NCKAP5: variants seen among roughly 807,000 people sequenced by gnomAD.
The protein encoded by NCKAP5 is NCK associated protein 5, also known as nck-associated protein 5.
In NCKAP5, 92 loss-of-function variants were observed where a neutral mutation model predicts 167.0. The ratio of observed to expected loss-of-function variants is 0.55; its 90% CI spans 0.47 to 0.66. NCKAP5 has a LOEUF of 0.66. Among genes scored for constraint, NCKAP5 ranks in the 30% least tolerant of loss-of-function variants. The probability of loss-of-function intolerance (pLI) is 0.00; values close to 1 mark genes in which losing one functional copy is unlikely to be tolerated. For synonymous variants in NCKAP5, 891 were observed against 877.4 expected, an observed-to-expected ratio of 1.02 and a Z score of -0.27; for missense variants, 2,378 against 2,315.0, an observed-to-expected ratio of 1.03 and a Z score of -0.56.
At chr2:133,580,700 C>T in the NCKAP5 span, among the ~76,000 whole-genome samples, 2 of 152,128 alleles carry the variant, frequency 1.3e-5, no homozygotes, top group Non-Finnish European at 2.9e-5. Context: ...CTCTGAGTAC[C>T]CTAGAAGACG....
At chr2:133,579,939 AT>A in the NCKAP5 span, among the ~76,000 whole-genome samples, 36 of 152,354 alleles carry the variant, frequency 2.4e-4, no homozygotes, top group African/African-American at 8.4e-4. Flanking sequence ...TTCATAAAGA[AT>A]ACATAAATAT....
chr2:133,570,265 G>A (rs1019900373), upstream of NCKAP5, among the ~76,000 whole-genome samples: 4 of 152,176 alleles, frequency 2.6e-5, no homozygotes, highest in African/African-American at 9.6e-5. Flanking sequence ...TATGCTTTGT[G>A]TGTGGTTTGA....
intron 8 of NCKAP5, among the ~76,000 whole-genome samples, chr2:132,901,230 C>G (rs1346149689): frequency 6.6e-6 from 1 of 152,150 alleles, no homozygotes; most frequent in Non-Finnish European, 1.5e-5. Flanking sequence ...TCCCTTTGTT[C>G]AGGTAAGTGG....
the NCKAP5 span, among the ~76,000 whole-genome samples, chr2:133,668,617 G>GT: frequency 5.3e-5 from 8 of 150,852 alleles, no homozygotes; most frequent in South Asian, 2.1e-4. Context: ...CTGTTTGCTT[G>GT]TTTTTTTTAA....
chr2:132,910,381 C>A (rs1000268710), intron 8 of NCKAP5, among the ~76,000 whole-genome samples: 2 of 152,046 alleles, frequency 1.3e-5, no homozygotes, highest in Admixed American at 1.3e-4. Context: ...CTGTACCCAC[C>A]CATTAACCAT....
chr2:133,494,104 T>A (rs1433923954), intron 3 of NCKAP5, among the ~76,000 whole-genome samples: 1 of 152,242 alleles, frequency 6.6e-6, no homozygotes, highest in Non-Finnish European at 1.5e-5. Flanking sequence ...GCCGTTGCAC[T>A]GATGCAGCAT....
chr2:132,751,190 T>C (rs1352073610), intron 16 of NCKAP5, among the ~76,000 whole-genome samples: 1 of 151,478 alleles, frequency 6.6e-6, no homozygotes, highest in African/African-American at 2.4e-5. Context: ...CAGGAGGGAG[T>C]GGGTTCTCAC....
intron 3 of NCKAP5, among the ~76,000 whole-genome samples, chr2:133,327,137 G>C (rs1218086640): frequency 6.6e-6 from 1 of 152,174 alleles, no homozygotes; most frequent in Non-Finnish European, 1.5e-5. Flanking sequence ...CAGCCCAGGT[G>C]GTTCTTCTGG....
intron 3 of NCKAP5, among the ~76,000 whole-genome samples, chr2:133,415,559 A>T (rs62177672): frequency 0.2 from 30,472 of 152,160 alleles, 3,114 homozygotes; most frequent in African/African-American, 0.23. Flanking sequence ...TAGATAATAC[A>T]TGTATAGGTC....
chr2:133,007,052 C>A (rs1454776879), intron 6 of NCKAP5, among the ~76,000 whole-genome samples: 1 of 152,128 alleles, frequency 6.6e-6, no homozygotes, highest in Non-Finnish European at 1.5e-5. Flanking sequence ...CCTCTTTCAG[C>A]CTCAACTCTT....
intron 11 of NCKAP5, among the ~76,000 whole-genome samples, chr2:132,820,554 G>GT (rs895485680): frequency 6.6e-5 from 10 of 150,536 alleles, no homozygotes; most frequent in African/African-American, 7.4e-5. Context: ...TTTGTTTTTT[G>GT]TTTTTTTTAA....
chr2:132,852,756 T>C (rs1689171906), intron 11 of NCKAP5, among the ~76,000 whole-genome samples: 1 of 152,226 alleles, frequency 6.6e-6, no homozygotes, highest in African/African-American at 2.4e-5. Flanking sequence ...AACTCCTATT[T>C]ATTCTTCAAA....
At chr2:133,662,970 TA>T in the NCKAP5 span, among the ~76,000 whole-genome samples, 24 of 151,684 alleles carry the variant, frequency 1.6e-4, no homozygotes, top group East Asian at 2.0e-4. Context: ...ATTTGTTGCT[TA>T]AAAAAAATGC....
intron 18 of NCKAP5, among the ~76,000 whole-genome samples, chr2:132,728,056 G>A (rs1690637759): frequency 6.6e-6 from 1 of 152,232 alleles, no homozygotes. Flanking sequence ...GGGCCAGGAA[G>A]TTCTGGAAAA....
At chr2:133,514,383 T>C (rs1283579216) in intron 3 of NCKAP5, among the ~76,000 whole-genome samples, 2 of 152,146 alleles carry the variant, frequency 1.3e-5, no homozygotes, top group Non-Finnish European at 2.9e-5. Context: ...CCCTCCCCCA[T>C]GCCACGTGAC....
intron 3 of NCKAP5, among the ~76,000 whole-genome samples, chr2:133,454,285 G>T (rs961530510): frequency 6.6e-6 from 1 of 151,972 alleles, no homozygotes; most frequent in Non-Finnish European, 1.5e-5. Flanking sequence ...TTACTTTGAA[G>T]TAAGTATTTG....
chr2:133,588,612 C>T, the NCKAP5 span, among the ~76,000 whole-genome samples: 2 of 152,102 alleles, frequency 1.3e-5, no homozygotes, highest in African/African-American at 2.4e-5. Context: ...TGAACCAGAA[C>T]ACTAAGGTCC....
intron 6 of NCKAP5, among the ~76,000 whole-genome samples, chr2:133,081,422 C>T (rs2149592557): frequency 6.6e-6 from 1 of 152,184 alleles, no homozygotes; most frequent in Admixed American, 6.5e-5. Context: ...TTAATATTTG[C>T]CAAAGCTTCC....
At chr2:133,309,702 C>T (rs1681093925) in intron 3 of NCKAP5, among the ~76,000 whole-genome samples, 1 of 152,200 alleles carries the variant, frequency 6.6e-6, no homozygotes, top group South Asian at 2.1e-4. Flanking sequence ...ATACACTGAA[C>T]ATTGCAGGTC....
Sources: allele counts gnomAD v4.1 joint callset (sites outside exome capture counted in the v4.1 genomes callset), GRCh38; gene constraint gnomAD v4.1.1; transcripts MANE v1.5; gene names NCBI Gene and HGNC (gene_info 2026-07-23, HGNC 2026-07-21).